KLHL22: variants seen among roughly 807,000 people sequenced by gnomAD.
KLHL22 encodes the protein kelch like family member 22.
Under a neutral mutation model 60.7 loss-of-function variants are expected in KLHL22, and 18 were observed. The observed-to-expected ratio is 0.30, with a 90% CI of 0.20 to 0.44. The LOEUF is 0.44. Ranked by LOEUF, KLHL22 falls within the 20% of genes least tolerant of loss-of-function variation. KLHL22 has a pLI of 1.00. For missense variants in KLHL22, 596 were observed against 852.3 expected (o/e 0.70, Z 3.74); for synonymous variants, 355 against 354.5 (o/e 1.00, Z -0.01).
chr22:20,488,606 C>T (rs1484003302), intron 2 of KLHL22: 1 of 249,578 alleles, frequency 4.0e-6, no homozygotes, highest in Non-Finnish European at 7.7e-6. Context: ...GAGGCTAACA[C>T]CTGAGGGATG....
chr22:20,487,279 A>G (rs1601390605), intron 2 of KLHL22, among the ~76,000 whole-genome samples: 1 of 144,848 alleles, frequency 6.9e-6, no homozygotes, highest in Non-Finnish European at 1.5e-5. Context: ...ATGCAGTGGC[A>G]CAATCTCGGC....
chr22:20,466,739 G>A (rs73384265), intron 3 of KLHL22, among the ~76,000 whole-genome samples: 1,595 of 152,256 alleles, frequency 0.01, 27 homozygotes, highest in African/African-American at 0.036. Context: ...ATAGCTCACC[G>A]AAGTCTCAAG....
At position 20,441,847 on chromosome 22, in the gene KLHL22, GCAGTTCCTGCAGTGACGTAATCCA is replaced by G; in HGVS notation, c.*202_*225del. ...TGAGGAAGGCCAAAGCCTTTCAGAA[GCAGTTCCTGCAGTGACGTAATCCA>G]CAGCCTGGGATCTGCATGGCCCTGA... On this transcript the variant is annotated 3_prime_UTR_variant, in exon 7 of 7. Transcript: ENST00000328879. The G allele has an allele frequency of 2.4e-6, 1 of 412,580 alleles. No homozygotes were observed. The highest frequency in any genetic ancestry group is 3.6e-5 in the East Asian group (1 of 27,920). 25.6% of individuals were successfully genotyped at this position (412,580 alleles called of 1,614,324 possible). A position where few individuals can be genotyped will look rare whatever the true frequency, so the allele number is the denominator to read the frequency against.
intron 5 of KLHL22, chr22:20,451,424 G>T (rs938341342): frequency 8.1e-6 from 13 of 1,607,820 alleles, no homozygotes; most frequent in Middle Eastern, 1.7e-4. Context: ...GGATATGACG[G>T]CTTGAATATC....
At chr22:20,474,922 C>G (rs2053385292) in intron 2 of KLHL22, among the ~76,000 whole-genome samples, 1 of 152,156 alleles carries the variant, frequency 6.6e-6, no homozygotes, top group African/African-American at 2.4e-5. Context: ...GGGCCTGGTG[C>G]CTGCACCCTC....
chr22:20,464,509 C>A (rs377461860), intron 4 of KLHL22, among the ~76,000 whole-genome samples: 3 of 152,258 alleles, frequency 2.0e-5, no homozygotes, highest in African/African-American at 7.2e-5. Flanking sequence ...GCTCCTAGGT[C>A]CTCTCCATCC....
At chr22:20,488,661 GAC>G in intron 2 of KLHL22, 8 of 403,258 alleles carry the variant, frequency 2.0e-5, no homozygotes, top group Non-Finnish European at 2.8e-5. Flanking sequence ...AATAATTACT[GAC>G]GGAGGGGAGG....
chr22:20,478,508 CTTTT>C, intron 2 of KLHL22, among the ~76,000 whole-genome samples: 1 of 67,682 alleles, frequency 1.5e-5, no homozygotes, highest in South Asian at 6.6e-4. Flanking sequence ...AAACTTAATT[CTTTT>C]TTTTTTTTTT....
intron 2 of KLHL22, among the ~76,000 whole-genome samples, chr22:20,485,979 C>T (rs560576185): frequency 4.6e-5 from 7 of 151,836 alleles, no homozygotes; most frequent in East Asian, 1.9e-4. Context: ...TCAGCCTGGC[C>T]AACATGGTGA....
rs749157529 is a variant in KLHL22 at position 20,457,945 on chromosome 22, C to T, written c.1168G>A (p.Ala390Thr). The T allele has an allele frequency of 1.3e-5, 21 of 1,614,164 alleles. No individual in the cohort carries two copies. In the South Asian group the frequency reaches 1.6e-4, roughly 13 times the overall value. Residue 390 changes from alanine to threonine, a missense_variant, in exon 5 of 7, where the codon GCC becomes ACC. Physicochemically the swap from Ala to Thr is moderately conservative, Grantham distance 58. Transcript: ENST00000328879. ...CCTACAACACACACGGACAGGTCGGCGTGCTCCTGCTGCAGGGACTGGATC... is the reference window on the plus strand; with the variant it reads ...CCTACAACACACACGGACAGGTCGGTGTGCTCCTGCTGCAGGGACTGGATC... ...FQIQSLQQEHADLSVCVVGRY... is the reference protein window; with the variant it reads ...FQIQSLQQEHTDLSVCVVGRY...
intron 4 of KLHL22, among the ~76,000 whole-genome samples, chr22:20,459,473 T>G (rs1295463048): frequency 1.3e-5 from 2 of 152,128 alleles, no homozygotes; most frequent in African/African-American, 4.8e-5. Flanking sequence ...TGGGCATCAG[T>G]TTTAATCTCT....
At chr22:20,457,756 C>A in intron 5 of KLHL22, 52 bp downstream of exon 5, 1 of 1,442,020 alleles carries the variant, frequency 6.9e-7, no homozygotes, top group South Asian at 1.3e-5. Context: ...CTTTGCACAT[C>A]CTGGGGAAGG....
intron 6 of KLHL22, among the ~76,000 whole-genome samples, chr22:20,444,278 TC>T (rs918450304): frequency 1.1e-4 from 17 of 152,114 alleles, no homozygotes; most frequent in African/African-American, 4.1e-4. Flanking sequence ...GGGAGGCAGA[TC>T]CCCACTAGGG....
chr22:20,472,157 G>A (rs1012806597), intron 2 of KLHL22, among the ~76,000 whole-genome samples: 2 of 152,168 alleles, frequency 1.3e-5, no homozygotes, highest in African/African-American at 2.4e-5. Flanking sequence ...TGCGGCACAA[G>A]AATTGATTGA....
At chr22:20,474,553 G>A (rs1000862983) in intron 2 of KLHL22, among the ~76,000 whole-genome samples, 6 of 151,898 alleles carry the variant, frequency 4.0e-5, no homozygotes, top group South Asian at 2.1e-4. Context: ...CACCATGCCC[G>A]GCTAATTTTT....
intron 5 of KLHL22, among the ~76,000 whole-genome samples, chr22:20,456,905 G>A (rs1481331144): frequency 6.6e-6 from 1 of 152,254 alleles, no homozygotes; most frequent in Non-Finnish European, 1.5e-5. Context: ...CTGAGGCAGT[G>A]CAGGTAGAAC....
At chr22:20,446,760 C>A in intron 5 of KLHL22, 84 bp from the exon 6 acceptor site, 1 of 988,748 alleles carries the variant, frequency 1.0e-6, no homozygotes, top group Non-Finnish European at 1.6e-6. Context: ...ATCACCACCC[C>A]ACACCTGCCT....
intron 4 of KLHL22, among the ~76,000 whole-genome samples, chr22:20,464,526 G>A (rs571837745): frequency 2.0e-5 from 3 of 152,240 alleles, no homozygotes; most frequent in East Asian, 3.9e-4. Context: ...ATCCCAGTCC[G>A]ACTGCCTTTC....
chr22:20,478,508 CTTTTTTTTTTTT>C (rs1196419660), intron 2 of KLHL22, among the ~76,000 whole-genome samples: 25 of 67,686 alleles, frequency 3.7e-4, no homozygotes, highest in Non-Finnish European at 4.8e-4. Flanking sequence ...AAACTTAATT[CTTTTTTTTTTTT>C]TTTTTTTTTT....
Sources: allele counts gnomAD v4.1 joint callset (sites outside exome capture counted in the v4.1 genomes callset), GRCh38; gene constraint gnomAD v4.1.1; transcripts MANE v1.5; gene names NCBI Gene and HGNC (gene_info 2026-07-23, HGNC 2026-07-21).